MUSK: variants seen among roughly 807,000 people sequenced by gnomAD.
The protein encoded by MUSK is muscle, skeletal receptor tyrosine-protein kinase.
MUSK carries 55 observed loss-of-function variants against 88.7 expected under a neutral mutation model. The observed-to-expected ratio is 0.62, with a 90% CI of 0.50 to 0.78. The LOEUF is 0.78. Ranked by LOEUF, MUSK falls within the 30% of genes least tolerant of loss-of-function variation. MUSK has a pLI of 0.00. For missense variants in MUSK, 1,015 were observed against 1,074.3 expected (o/e 0.94, Z 0.77); for synonymous variants, 387 against 391.9 (o/e 0.99, Z 0.15).
chr9:110,728,833 A>G, intron 5 of MUSK: 1 of 733,164 alleles, frequency 1.4e-6, no homozygotes, highest in Non-Finnish European at 2.1e-6. Context: ...ATAACAAACA[A>G]TGTATGGGGA....
Position 110,784,822 on chromosome 9 carries a change from A to T in MUSK, c.1392A>T (p.Pro464=). 3 of 1,609,068 alleles carry T rather than the reference A, an allele frequency of 1.9e-6. No individual in the cohort carries two copies. Among genetic ancestry groups the T allele is most frequent in the Non-Finnish European group, 2.5e-6 (3 of 1,177,350 alleles). ...ATTATTCTTTACTTACAGCATTCCC[A>T]CCAATGACGTCCTCAAAGCCAAGTG... ...DYNKENLKTF[P]PMTSSKPSVD... The change falls in exon 12 of 15, where the codon CCA becomes CCT. Residue 464 remains proline, a synonymous_variant. Transcript: ENST00000374448.
intron 11 of MUSK, among the ~76,000 whole-genome samples, chr9:110,784,201 T>G (rs2132020409): frequency 6.6e-6 from 1 of 152,270 alleles, no homozygotes; most frequent in Non-Finnish European, 1.5e-5. Context: ...ATTAATAAGG[T>G]TCTTTTAATA....
intron 5 of MUSK, among the ~76,000 whole-genome samples, chr9:110,702,735 A>G (rs966901685): frequency 6.6e-6 from 1 of 152,080 alleles, no homozygotes; most frequent in Admixed American, 6.6e-5. Flanking sequence ...TCTACAAAAA[A>G]TATAAAAATT....
rs150129691 is a variant in MUSK at position 110,730,295 on chromosome 9, A to G, written c.629-3956A>G. Among the ~76,000 whole-genome samples the G allele has an allele frequency of 4.6e-5, 7 of 152,202 alleles. No individual in the cohort carries two copies. In the South Asian group the frequency reaches 8.3e-4, roughly 18 times the overall value. ...CTCACAGTGAATTGGAGAAGGATGG[A>G]TAAGACTATGTACAGAAAGAGGGGT... On this transcript the variant is annotated intron_variant, in intron 5 of 14. Transcript: ENST00000374448.
Position 110,803,567 on chromosome 9 carries a change from A to G in MUSK, c.*2579A>G, listed in dbSNP as rs567977972. ...TCTGTGGAAGTGATTTGTAATTTGC[A>G]TGTCGTTTCAAGCACACTCTATATC... On this transcript the variant is annotated 3_prime_UTR_variant, in exon 15 of 15. Coordinates refer to ENST00000374448, the MANE Select transcript of MUSK (RefSeq NM_005592.4). Among the ~76,000 whole-genome samples the G allele has an allele frequency of 6.6e-6, 1 of 152,344 alleles. No individual in the cohort carries two copies. The highest frequency in any genetic ancestry group is 6.5e-5 in the Admixed American group (1 of 15,308).
At position 110,785,448 on chromosome 9, in the gene MUSK, T is replaced by C. The variant is rs1268823498; in HGVS notation, c.1587-79T>C. 5 of 1,212,526 alleles carry C rather than the reference T, an allele frequency of 4.1e-6. No homozygotes were observed. In the African/African-American group the frequency reaches 6.1e-5, roughly 15 times the overall value. The allele number at this position is 1,212,526 out of a possible 1,614,324, so 75.1% of individuals were successfully genotyped here. A position where few individuals can be genotyped will look rare whatever the true frequency, so the allele number is the denominator to read the frequency against. ...GTTTTCATTACTCTTAAATGCCATA[T>C]TTCTTAGAATCTAAGTCTAAGTACA... On this transcript the variant is annotated intron_variant, in intron 12 of 14. Coordinates refer to ENST00000374448, the MANE Select transcript of MUSK (RefSeq NM_005592.4).
intron 6 of MUSK, 146 bp from the exon 7 acceptor site, chr9:110,747,495 A>G: frequency 1.4e-6 from 1 of 739,558 alleles, no homozygotes; most frequent in South Asian, 2.1e-5. Context: ...AAGGGCATGG[A>G]CACAGGGAGG....
intron 5 of MUSK, among the ~76,000 whole-genome samples, chr9:110,732,494 C>G (rs982605441): frequency 6.6e-6 from 1 of 152,032 alleles, no homozygotes; most frequent in East Asian, 1.9e-4. Flanking sequence ...TGATATGTCT[C>G]TTAAGTCTCT....
intron 5 of MUSK, among the ~76,000 whole-genome samples, chr9:110,698,667 C>G (rs760859097): frequency 6.6e-6 from 1 of 152,060 alleles, no homozygotes; most frequent in African/African-American, 2.4e-5. Flanking sequence ...ACCAATTGCT[C>G]ATAAAATTTT....
intron 1 of MUSK, among the ~76,000 whole-genome samples, chr9:110,672,511 G>A (rs1042777963): frequency 6.6e-6 from 1 of 152,146 alleles, no homozygotes; most frequent in African/African-American, 2.4e-5. Flanking sequence ...GGTCAGTACA[G>A]CTAAAGAACT....
intron 14 of MUSK, among the ~76,000 whole-genome samples, chr9:110,790,244 G>C (rs978925890): frequency 6.6e-6 from 1 of 152,124 alleles, no homozygotes; most frequent in African/African-American, 2.4e-5. Flanking sequence ...ACCCCGAGAA[G>C]AGAGGTTTCT....
intron 13 of MUSK, 54 bp downstream of exon 13, chr9:110,785,772 G>A: frequency 7.3e-7 from 1 of 1,367,118 alleles, no homozygotes; most frequent in African/African-American, 1.5e-5. Flanking sequence ...TGTCTGAAAA[G>A]CTACCAAACT....
Position 110,682,710 on chromosome 9 carries a change from C to T in MUSK, c.116C>T (p.Ala39Val). Reference protein sequence around the residue: ...VITTPLETVDALVEEVATFMC... With the variant: ...VITTPLETVDVLVEEVATFMC... Reference sequence around the variant, plus strand: ...ACCACTCCTCTTGAAACAGTGGATGCCTTAGTTGAAGAAGTGGCTACTTTC... The same window carrying T: ...ACCACTCCTCTTGAAACAGTGGATGTCTTAGTTGAAGAAGTGGCTACTTTC... The change falls in exon 2 of 15, where the codon GCC (alanine) becomes GTC (valine). Residue 39 changes from alanine (A) to valine (V), a missense_variant. Coordinates refer to ENST00000374448, the MANE Select transcript of MUSK (RefSeq NM_005592.4). The T allele has an allele frequency of 6.2e-7, 1 of 1,612,546 alleles. No individual in the cohort carries two copies. The highest frequency in any genetic ancestry group is 8.5e-7 in the Non-Finnish European group (1 of 1,178,816).
intron 14 of MUSK, chr9:110,788,221 G>T (rs893159927): frequency 1.1e-5 from 2 of 183,074 alleles, no homozygotes; most frequent in Non-Finnish European, 2.3e-5. Context: ...GCAGCGATTT[G>T]TATCTTTTCT....
chr9:110,783,991 T>C (rs900028871), intron 11 of MUSK, among the ~76,000 whole-genome samples: 1 of 152,110 alleles, frequency 6.6e-6, no homozygotes, highest in African/African-American at 2.4e-5. Context: ...AATTGCACTT[T>C]GGCCATTAAG....
At chr9:110,697,064 A>G (rs1261440612) in intron 4 of MUSK, among the ~76,000 whole-genome samples, 2 of 148,416 alleles carry the variant, frequency 1.3e-5, no homozygotes, top group Admixed American at 6.8e-5. Flanking sequence ...TATTATATAT[A>G]TAATATATAT....
chr9:110,784,985 CGAA>C lies in MUSK; in HGVS notation c.1562_1564del (p.Arg521del), dbSNP rs774582687. The C allele has an allele frequency of 3.0e-5, 48 of 1,613,366 alleles. No homozygotes were observed. In the African/African-American group the frequency reaches 6.3e-4, roughly 21 times the overall value. Reference sequence around the variant, plus strand: ...TACCATAACTACTCTCTATTGCTGCCGAAGAAGAAAACAATGGAAAAATAAGAA... The same window carrying C: ...TACCATAACTACTCTCTATTGCTGCCGAAGAAAACAATGGAAAAATAAGAA... On this transcript the variant is annotated inframe_deletion, in exon 12 of 15. Coordinates refer to ENST00000374448, the MANE Select transcript of MUSK (RefSeq NM_005592.4).
intron 3 of MUSK, among the ~76,000 whole-genome samples, chr9:110,689,101 T>C (rs1449729585): frequency 1.5e-5 from 2 of 131,906 alleles, no homozygotes; most frequent in East Asian, 4.6e-4. Context: ...CATTTAAATA[T>C]ATAGTTTTAT....
intron 5 of MUSK, among the ~76,000 whole-genome samples, chr9:110,715,695 A>G (rs1015628167): frequency 3.4e-5 from 5 of 148,568 alleles, no homozygotes; most frequent in African/African-American, 1.3e-4. Context: ...AGCACTATTC[A>G]CAATAGCAAA....
Sources: allele counts gnomAD v4.1 joint callset (sites outside exome capture counted in the v4.1 genomes callset), GRCh38; gene constraint gnomAD v4.1.1; transcripts MANE v1.5; gene names NCBI Gene and HGNC (gene_info 2026-07-23, HGNC 2026-07-21).